Variants in DLC1 observed in about 807,000 individuals in gnomAD.
The protein encoded by DLC1 is DLC1 Rho GTPase activating protein, also known as rho GTPase-activating protein 7.
A neutral mutation model predicts 140.3 loss-of-function variants in DLC1; 54 were observed. The observed-to-expected ratio is 0.38, with a 90% CI of 0.31 to 0.48. The LOEUF is 0.48. Ranked by LOEUF, DLC1 falls within the 20% of genes least tolerant of loss-of-function variation. The pLI is 0.96. For synonymous variants in DLC1, 986 were observed against 728.1 expected (o/e 1.35, Z -5.70); for missense variants, 2,536 against 1,907.0 (o/e 1.33, Z -6.14).
intron 2 of DLC1, among the ~76,000 whole-genome samples, chr8:13,443,803 C>G (rs1798653609): frequency 6.6e-6 from 1 of 152,044 alleles, no homozygotes. Flanking sequence ...TATCCAAAAA[C>G]ACAGAGGTTA....
chr8:13,466,801 A>G (rs1414677487), intron 2 of DLC1, among the ~76,000 whole-genome samples: 2 of 152,190 alleles, frequency 1.3e-5, no homozygotes, highest in Non-Finnish European at 2.9e-5. Flanking sequence ...TTTTTTAATC[A>G]TTAAAAACTC....
intron 2 of DLC1, among the ~76,000 whole-genome samples, chr8:13,405,527 G>T (rs1235761385): frequency 6.6e-6 from 1 of 152,192 alleles, no homozygotes; most frequent in Non-Finnish European, 1.5e-5. Flanking sequence ...ACTCCAGGGA[G>T]TTTTTAAAAT....
intron 5 of DLC1, among the ~76,000 whole-genome samples, chr8:13,182,627 T>A (rs1197714569): frequency 6.6e-6 from 1 of 152,110 alleles, no homozygotes; most frequent in African/African-American, 2.4e-5. Context: ...GATCAGATGG[T>A]TGTAGATGTG....
At chr8:13,140,941 C>A (rs1255635645) in intron 5 of DLC1, among the ~76,000 whole-genome samples, 2 of 152,128 alleles carry the variant, frequency 1.3e-5, no homozygotes, top group Non-Finnish European at 2.9e-5. Flanking sequence ...AGATGCCTTG[C>A]TTAGAGTGAG....
chr8:13,402,017 G>A (rs1386198116), intron 2 of DLC1, among the ~76,000 whole-genome samples: 1 of 152,136 alleles, frequency 6.6e-6, no homozygotes, highest in African/African-American at 2.4e-5. Flanking sequence ...GGATGCATAT[G>A]AGATTATATT....
At chr8:13,295,419 T>C (rs1831906966) in intron 5 of DLC1, among the ~76,000 whole-genome samples, 1 of 152,198 alleles carries the variant, frequency 6.6e-6, no homozygotes, top group African/African-American at 2.4e-5. Flanking sequence ...AATAGTTTCT[T>C]AAATCCATGA....
chr8:13,137,217 CTCTTCA>C (rs1822630449), intron 5 of DLC1, among the ~76,000 whole-genome samples: 1 of 152,204 alleles, frequency 6.6e-6, no homozygotes, highest in Admixed American at 6.5e-5. Context: ...AGTGTCCTTC[CTCTTCA>C]TTTAACCTTC....
chr8:13,276,589 A>G (rs963874106), intron 5 of DLC1: 4 of 1,262,166 alleles, frequency 3.2e-6, no homozygotes, highest in South Asian at 6.0e-5. Flanking sequence ...CGCGGCGGCC[A>G]CATCTGGAAA....
chr8:13,291,761 C>G (rs1043389976), intron 5 of DLC1, among the ~76,000 whole-genome samples: 1 of 152,136 alleles, frequency 6.6e-6, no homozygotes, highest in African/African-American at 2.4e-5. Flanking sequence ...ACCAACCAAA[C>G]CAGACCAAGC....
At chr8:13,097,748 T>C (rs2128934852) in intron 10 of DLC1, among the ~76,000 whole-genome samples, 1 of 152,234 alleles carries the variant, frequency 6.6e-6, no homozygotes, top group Admixed American at 6.5e-5. Flanking sequence ...GAGGTGCCTA[T>C]ACCACGTGAT....
chr8:13,217,972 T>A (rs965610899), intron 5 of DLC1, among the ~76,000 whole-genome samples: 1 of 152,122 alleles, frequency 6.6e-6, no homozygotes, highest in African/African-American at 2.4e-5. Flanking sequence ...ATTTTAGCCC[T>A]TACATAAAAT....
chr8:13,590,121 T>C (rs1311337279), intron 1 of DLC1, among the ~76,000 whole-genome samples: 1 of 150,824 alleles, frequency 6.6e-6, no homozygotes, highest in Non-Finnish European at 1.5e-5. Context: ...CTGAAGTTTA[T>C]TTTCCTATGC....
At chr8:13,442,225 A>T (rs1282947902) in intron 2 of DLC1, among the ~76,000 whole-genome samples, 2 of 152,236 alleles carry the variant, frequency 1.3e-5, no homozygotes, top group Admixed American at 6.5e-5. Flanking sequence ...AAAGACTTAA[A>T]TGTTAGACCT....
Position 13,454,044 on chromosome 8 carries a change from T to C in DLC1, c.1023+45005A>G, listed in dbSNP as rs7845851. On this transcript the variant is annotated intron_variant, in intron 2 of 17. Transcript: ENST00000276297. ...AAATGGCAAAATTCGCATGTTTTAA[T>C]TGCCACTGTACTGGGATTCCTTGAA... 2.3e-3 allele frequency among the ~76,000 whole-genome samples: 349 copies of C among 152,258 alleles called. 3 individuals carry two copies. The highest frequency in any genetic ancestry group is 0.014 in the Middle Eastern group (4 of 292).
chr8:13,221,888 A>G (rs1382046404), intron 5 of DLC1, among the ~76,000 whole-genome samples: 1 of 143,912 alleles, frequency 6.9e-6, no homozygotes, highest in Non-Finnish European at 1.5e-5. Flanking sequence ...ACATTAATAT[A>G]TAATTATATA....
At chr8:13,129,271 G>T (rs573397188) in intron 5 of DLC1, among the ~76,000 whole-genome samples, 1 of 152,314 alleles carries the variant, frequency 6.6e-6, no homozygotes, top group East Asian at 1.9e-4. Context: ...CATATGCAAA[G>T]GCCACAGAGT....
At position 13,085,633 on chromosome 8, in the gene DLC1, A is replaced by G; in HGVS notation, c.*178T>C. On this transcript the variant is annotated 3_prime_UTR_variant, in exon 18 of 18. Coordinates refer to ENST00000276297, the MANE Select transcript of DLC1 (RefSeq NM_182643.3). Reference sequence around the variant, plus strand: ...TTCCAGTCAAGGTCTATGAATACAGACCCTCAACAAACAGGAAGCAGCTTT... The same window carrying G: ...TTCCAGTCAAGGTCTATGAATACAGGCCCTCAACAAACAGGAAGCAGCTTT... 1.1e-6 allele frequency: 1 copy of G among 896,158 alleles called. No individual in the cohort carries two copies. Among genetic ancestry groups the G allele is most frequent in the South Asian group, 2.1e-5 (1 of 46,874 alleles). 55.5% of individuals were successfully genotyped at this position (896,158 alleles called of 1,614,324 possible).
chr8:13,462,149 A>T (rs1004490605), intron 2 of DLC1, among the ~76,000 whole-genome samples: 4 of 152,220 alleles, frequency 2.6e-5, no homozygotes, highest in African/African-American at 9.6e-5. Context: ...CTGCAAGGCC[A>T]GACGCCTCAT....
At chr8:13,581,904 G>A (rs575626961) in intron 1 of DLC1, among the ~76,000 whole-genome samples, 3 of 152,042 alleles carry the variant, frequency 2.0e-5, no homozygotes, top group East Asian at 1.9e-4. Flanking sequence ...TGAAGTCCAC[G>A]CATCAAAGGC....
Sources: allele counts gnomAD v4.1 joint callset (sites outside exome capture counted in the v4.1 genomes callset), GRCh38; gene constraint gnomAD v4.1.1; transcripts MANE v1.5; gene names NCBI Gene and HGNC (gene_info 2026-07-23, HGNC 2026-07-21).